Variants in SDK1 observed in about 807,000 individuals in gnomAD.
The protein encoded by SDK1 is sidekick cell adhesion molecule 1.
A neutral mutation model predicts 245.5 loss-of-function variants in SDK1; 157 were observed. That is an observed-to-expected ratio of 0.64 (90% confidence interval 0.56 to 0.73). The LOEUF is 0.73. Ranked by LOEUF, SDK1 falls within the 30% of genes least tolerant of loss-of-function variation. SDK1 has a pLI of 0.00. For missense variants in SDK1, 3,583 were observed against 3,002.3 expected (o/e 1.19, Z -4.52); for synonymous variants, 1,647 against 1,278.5 (o/e 1.29, Z -6.15).
intron 1 of SDK1, among the ~76,000 whole-genome samples, chr7:3,580,463 G>C (rs1041675113): frequency 1.2e-4 from 18 of 152,150 alleles, no homozygotes; most frequent in Non-Finnish European, 1.6e-4. Context: ...CAATGGAACA[G>C]AATAGAGTAC....
At chr7:3,994,133 T>C (rs537967820) in intron 14 of SDK1, among the ~76,000 whole-genome samples, 1 of 152,328 alleles carries the variant, frequency 6.6e-6, no homozygotes, top group South Asian at 2.1e-4. Context: ...CACATGCTTT[T>C]CTAGGGATCT....
chr7:3,820,543 T>C (rs979618463), intron 4 of SDK1, among the ~76,000 whole-genome samples: 1 of 152,234 alleles, frequency 6.6e-6, no homozygotes, highest in African/African-American at 2.4e-5. Flanking sequence ...AAAACACCCA[T>C]TTCAAATAAA....
intron 1 of SDK1, among the ~76,000 whole-genome samples, chr7:3,544,467 A>C (rs1583147894): frequency 6.6e-6 from 1 of 152,346 alleles, no homozygotes; most frequent in Admixed American, 6.5e-5. Context: ...TGAGGGGCGA[A>C]GTCTTTCCCA....
chr7:4,243,792 T>G (rs909048906), intron 43 of SDK1, among the ~76,000 whole-genome samples: 1 of 152,018 alleles, frequency 6.6e-6, no homozygotes, highest in African/African-American at 2.4e-5. Flanking sequence ...CACATGTGAT[T>G]GAAGGAAAGG....
chr7:3,972,271 G>A (rs1363444134), intron 12 of SDK1, among the ~76,000 whole-genome samples: 1 of 151,966 alleles, frequency 6.6e-6, no homozygotes. Flanking sequence ...AGTAGAGACG[G>A]CGTTTCACCA....
chr7:4,121,164 G>A (rs1415891526), intron 25 of SDK1, among the ~76,000 whole-genome samples: 1 of 152,030 alleles, frequency 6.6e-6, no homozygotes, highest in Admixed American at 6.5e-5. Flanking sequence ...CTCTAGCGAT[G>A]TTGTTTATTT....
chr7:3,768,581 A>C (rs1247084080), intron 4 of SDK1, among the ~76,000 whole-genome samples: 1 of 152,176 alleles, frequency 6.6e-6, no homozygotes, highest in South Asian at 2.1e-4. Context: ...ATGTCTTAGA[A>C]TTGCTTCTTG....
At chr7:4,015,912 C>G (rs888042639) in intron 16 of SDK1, among the ~76,000 whole-genome samples, 3 of 152,208 alleles carry the variant, frequency 2.0e-5, no homozygotes, top group Admixed American at 6.5e-5. Context: ...GGAGAATGCT[C>G]TCGGAAACTC....
rs1367075424 is a variant in SDK1, at chr7:4,245,761, A to G, written c.6337A>G (p.Ser2113Gly). The G allele has an allele frequency of 8.7e-6, 14 of 1,613,734 alleles. No homozygotes were observed. In the East Asian group the frequency reaches 2.9e-4, roughly 33 times the overall value. Residue 2113 changes from serine to glycine, a missense_variant, in exon 44 of 45, where the codon AGC becomes GGC. By Grantham distance (56) the Ser-to-Gly change is moderately conservative. Transcript: ENST00000404826. ...GTACAACGGCGCCGTGCTGACCGAG[A>G]GCGTGAGCCTCAAGGAGAAGTCGGC... is the stretch of plus-strand genomic sequence containing the variant. ...NKYNGAVLTE[S>G]VSLKEKSADA...
chr7:3,938,659 A>AAAAAAAAAAAAAAAAAAAAAAAAAAAAG (rs1554284813), intron 5 of SDK1, among the ~76,000 whole-genome samples: 1 of 151,062 alleles, frequency 6.6e-6, no homozygotes, highest in African/African-American at 2.5e-5. Context: ...AAAAAAAAAA[A>AAAAAAAAAAAAAAAAAAAAAAAAAAAAG]AGAGATCCTC....
chr7:3,682,368 G>C (rs776533451), intron 4 of SDK1, among the ~76,000 whole-genome samples: 1 of 152,188 alleles, frequency 6.6e-6, no homozygotes, highest in African/African-American at 2.4e-5. Context: ...CAATTTTTGA[G>C]ATTTGTAAAT....
chr7:3,825,754 A>G (rs1173396132), intron 5 of SDK1, among the ~76,000 whole-genome samples: 1 of 152,222 alleles, frequency 6.6e-6, no homozygotes, highest in Non-Finnish European at 1.5e-5. Context: ...ACTGCCCTGT[A>G]AAACATGGCT....
chr7:3,709,487 C>A (rs1013273357), intron 4 of SDK1, among the ~76,000 whole-genome samples: 7 of 152,212 alleles, frequency 4.6e-5, no homozygotes, highest in Non-Finnish European at 4.4e-5. Context: ...GGAGGCAGTC[C>A]GTCCCACTGT....
chr7:4,093,366 A>C (rs1781925941), intron 22 of SDK1, among the ~76,000 whole-genome samples: 1 of 151,732 alleles, frequency 6.6e-6, no homozygotes, highest in Admixed American at 6.6e-5. Flanking sequence ...GTCTTCTCAA[A>C]AGCCTGCCCT....
At chr7:3,868,606 T>C (rs1428577107) in intron 5 of SDK1, among the ~76,000 whole-genome samples, 1 of 152,208 alleles carries the variant, frequency 6.6e-6, no homozygotes, top group African/African-American at 2.4e-5. Context: ...TCATCTATAA[T>C]TTTCTCCCAC....
At chr7:3,826,324 C>T (rs751071278) in intron 5 of SDK1, among the ~76,000 whole-genome samples, 4 of 152,196 alleles carry the variant, frequency 2.6e-5, no homozygotes, top group Admixed American at 6.5e-5. Context: ...CTTTACTTGA[C>T]GTCTCATGGC....
intron 30 of SDK1, among the ~76,000 whole-genome samples, chr7:4,155,955 A>G (rs1001345238): frequency 1.2e-4 from 18 of 152,322 alleles, no homozygotes; most frequent in African/African-American, 4.3e-4. Flanking sequence ...AGGCAGGGCC[A>G]TCTGAGCAGA....
At chr7:3,990,093 G>C (rs1381809418) in intron 14 of SDK1, among the ~76,000 whole-genome samples, 1 of 152,254 alleles carries the variant, frequency 6.6e-6, no homozygotes, top group Non-Finnish European at 1.5e-5. Context: ...GCGTTGGTCT[G>C]TGTGGACGTG....
chr7:3,396,382 C>G (rs1192666624), intron 1 of SDK1, among the ~76,000 whole-genome samples: 4 of 151,574 alleles, frequency 2.6e-5, no homozygotes, highest in African/African-American at 9.7e-5. Flanking sequence ...GTGGAGTGTG[C>G]TTTAGATGTG....
Sources: allele counts gnomAD v4.1 joint callset (sites outside exome capture counted in the v4.1 genomes callset), GRCh38; gene constraint gnomAD v4.1.1; transcripts MANE v1.5; gene names NCBI Gene and HGNC (gene_info 2026-07-23, HGNC 2026-07-21).